Variants in AKAP8L observed in about 807,000 individuals in gnomAD.
The protein encoded by AKAP8L is A-kinase anchoring protein 8 like.
A neutral mutation model predicts 77.5 loss-of-function variants in AKAP8L; 34 were observed. The observed-to-expected ratio is 0.44, with a 90% CI of 0.33 to 0.58. AKAP8L has a LOEUF of 0.58. Ranked by LOEUF, AKAP8L falls within the 20% of genes least tolerant of loss-of-function variation. The pLI, the probability that AKAP8L is intolerant of heterozygous loss-of-function variation, is 0.02. For synonymous variants in AKAP8L, 342 were observed against 340.7 expected (o/e 1.00, Z -0.04); for missense variants, 806 against 887.6 (o/e 0.91, Z 1.17).
chr19:15,409,346 G>A (rs953704079), intron 2 of AKAP8L, among the ~76,000 whole-genome samples: 3 of 152,190 alleles, frequency 2.0e-5, no homozygotes, highest in Non-Finnish European at 2.9e-5. Flanking sequence ...GGGAGAGGCA[G>A]GGAGGGCAGC....
In AKAP8L at chr19:15,380,126, G is replaced by C. The variant is rs959743344; in HGVS notation, c.1937C>G (p.Pro646Arg). 6.7e-7 allele frequency: 1 copy of C among 1,492,938 alleles called. No homozygotes were observed. Among genetic ancestry groups the C allele is most frequent in the African/African-American group, 1.5e-5 (1 of 68,336 alleles). The allele number at this position is 1,492,938 out of a possible 1,614,324, so 92.5% of individuals were successfully genotyped here. Residue 646 changes from proline to arginine, a missense_variant, in exon 14 of 14, where the codon CCG becomes CGG. Physicochemically the swap from Pro to Arg is moderately radical, Grantham distance 103 (BLOSUM62 -2). Transcript: ENST00000397410. ...TCCGCCCGCCCCGAGCTCGGGTCAC[G>C]GGGCGCCCCCGCCGCCCTCCTCGTC... ...EDDEEGGGGA[P>R]
chr19:15,406,601 G>A (rs1262341650), intron 2 of AKAP8L, among the ~76,000 whole-genome samples: 2 of 151,908 alleles, frequency 1.3e-5, no homozygotes, highest in African/African-American at 4.8e-5. Flanking sequence ...GGAGTGGCTG[G>A]GACAACAGGC....
chr19:15,410,658 C>T lies in AKAP8L; in HGVS notation c.14-64G>A. The T allele has an allele frequency of 4.5e-6, 6 of 1,336,050 alleles. No individual in the cohort carries two copies. The South Asian group carries it at 7.6e-5, about 17-fold the overall frequency. The allele number at this position is 1,336,050 out of a possible 1,614,324, so 82.8% of individuals were successfully genotyped here. A position where few individuals can be genotyped will look rare whatever the true frequency, so the allele number is the denominator to read the frequency against. ...GTCACAGGGAAATGACCTGAGACTA[C>T]CTAACCTTTGGTATAGGATTGCCAG... On this transcript the variant is annotated intron_variant, in intron 1 of 13. Transcript: ENST00000397410.
chr19:15,380,445 G>A lies in AKAP8L; in HGVS notation c.1633-15C>T, dbSNP rs1164861003. ...GGGTTCTCGCCCTGTGGGGAGGGGC[G>A]CGGACACTGAAGGGAGGGAGCACAG... On this transcript the variant is annotated splice_polypyrimidine_tract_variant and intron_variant, in intron 13 of 13. Transcript: ENST00000397410. 3.1e-6 allele frequency: 5 copies of A among 1,609,518 alleles called. No homozygotes were observed. Among genetic ancestry groups the A allele is most frequent in the Admixed American group, 3.4e-5 (2 of 59,368 alleles).
At position 15,393,877 on chromosome 19, in the gene AKAP8L, T is replaced by C. The variant is rs554709693; in HGVS notation, c.1536+3273A>G. On this transcript the variant is annotated intron_variant, in intron 12 of 13. Transcript: ENST00000397410. ...GAGATCGCGCCATTGCACTCCAGCC[T>C]GGGCAAGAAGAGCGAATCTCTGTCT... 3.2e-3 allele frequency among the ~76,000 whole-genome samples: 433 copies of C among 137,074 alleles called. 2 individuals carry two copies. Among genetic ancestry groups the C allele is most frequent in the African/African-American group, 0.012 (416 of 35,834 alleles). 89.9% of individuals were successfully genotyped at this position (137,074 alleles called of 152,430 possible). A position where few individuals can be genotyped will look rare whatever the true frequency, so the allele number is the denominator to read the frequency against.
At position 15,380,297 on chromosome 19, in the gene AKAP8L, G is replaced by A; in HGVS notation, c.1766C>T (p.Pro589Leu). ...GGGGGCTGGCTCTGGGGGCACGGGA[G>A]GCTGCGCCGGCACGCCCTCTGCGCC... ...SEGAEGVPAQPPVPPEPAPGA... is the reference protein window; with the variant it reads ...SEGAEGVPAQLPVPPEPAPGA... Residue 589 changes from proline to leucine, a missense_variant, in exon 14 of 14, where the codon CCT becomes CTT. By Grantham distance (98) the Pro-to-Leu change is moderately conservative. This residue lies in a region of AKAP8L where 226 missense variants were observed against 193.5 expected (regional missense o/e 1.17). Coordinates refer to ENST00000397410, the MANE Select transcript of AKAP8L (RefSeq NM_014371.4). 2 of 1,529,478 alleles carry A rather than the reference G, an allele frequency of 1.3e-6. No individual in the cohort carries two copies. The highest frequency in any genetic ancestry group is 1.2e-5 in the South Asian group (1 of 83,494). 94.7% of individuals were successfully genotyped at this position (1,529,478 alleles called of 1,614,324 possible).
intron 12 of AKAP8L, 76 bp from the exon 13 acceptor site, chr19:15,380,688 A>G: frequency 2.1e-6 from 3 of 1,427,378 alleles, no homozygotes; most frequent in Non-Finnish European, 2.9e-6. Context: ...CTGCCAGCTT[A>G]GAGGGACCCC....
chr19:15,418,961 T>C lies in AKAP8L; in HGVS notation c.-38A>G, dbSNP rs1202777035. On this transcript the variant is annotated 5_prime_UTR_variant, in exon 1 of 14. Transcript: ENST00000397410. ...CACAACATCCGACGACGCCGGCTTC[T>C]GCTGCTCTGAACATCCGACGCTGCG... The C allele has an allele frequency of 1.9e-6, 3 of 1,604,054 alleles. No individual in the cohort carries two copies. The African/African-American group carries it at 4.0e-5, about 21-fold the overall frequency.
chr19:15,393,644 GGC>G (rs1401805636), intron 12 of AKAP8L, among the ~76,000 whole-genome samples: 1 of 152,116 alleles, frequency 6.6e-6, no homozygotes, highest in Admixed American at 6.6e-5. Context: ...GAAAATGCCG[GGC>G]GCGGTGGCTC....
In AKAP8L at chr19:15,400,857, G is replaced by A. The variant is rs772918936; in HGVS notation, c.921C>T (p.Gly307=). The change falls in exon 7 of 14, where the codon GGC becomes GGT. Residue 307 remains glycine (G), a synonymous_variant. Transcript: ENST00000397410. ...SDNSDSDNDE[G]TEGEATEGLE... ...GGCCCTCTGTGGCTTCCCCCTCGGTGCCCTCATCTGAAAGGGAAAAGGAGG... is the reference window on the plus strand; with the variant it reads ...GGCCCTCTGTGGCTTCCCCCTCGGTACCCTCATCTGAAAGGGAAAAGGAGG... The A allele has an allele frequency of 5.1e-5, 82 of 1,613,862 alleles. No homozygotes were observed. Among genetic ancestry groups the A allele is most frequent in the Non-Finnish European group, 6.4e-5 (75 of 1,179,886 alleles).
chr19:15,388,627 G>A (rs991359829), intron 12 of AKAP8L, among the ~76,000 whole-genome samples: 2 of 152,082 alleles, frequency 1.3e-5, no homozygotes, highest in African/African-American at 2.4e-5. Context: ...AAGAATTAGT[G>A]AACTTGGGCC....
intron 12 of AKAP8L, among the ~76,000 whole-genome samples, chr19:15,384,456 C>G (rs768674383): frequency 2.6e-5 from 4 of 151,706 alleles, no homozygotes; most frequent in Non-Finnish European, 5.9e-5. Context: ...CCCACCACCA[C>G]GCCCAGCTAA....
intron 1 of AKAP8L, among the ~76,000 whole-genome samples, chr19:15,413,201 T>A (rs560871960): frequency 8.5e-4 from 130 of 152,272 alleles, no homozygotes; most frequent in African/African-American, 3.1e-3. Flanking sequence ...TTCCCCCAGG[T>A]CCAAAAGGGT....
intron 12 of AKAP8L, among the ~76,000 whole-genome samples, chr19:15,385,149 T>G (rs1967504948): frequency 1.3e-5 from 2 of 152,036 alleles, no homozygotes; most frequent in South Asian, 4.1e-4. Flanking sequence ...GGCTAATTTT[T>G]TGTGTTTTTA....
chr19:15,401,623 G>T lies in AKAP8L; in HGVS notation c.363-20C>A, dbSNP rs758504913. ...TCATACCTGCAGAGGCATGGGGTGA[G>T]CATCAGGTGGAGCCCCTCAGGATCC... is the stretch of plus-strand genomic sequence containing the variant. On this transcript the variant is annotated intron_variant, in intron 4 of 13. Coordinates refer to ENST00000397410, the MANE Select transcript of AKAP8L (RefSeq NM_014371.4). The surrounding 1 kb of genome is among the most constrained non-coding windows in gnomAD (Gnocchi z 6.2). 1.1e-5 allele frequency: 17 copies of T among 1,528,400 alleles called. No individual in the cohort carries two copies. The highest frequency in any genetic ancestry group is 5.7e-5 in the Admixed American group (3 of 52,342). The allele number at this position is 1,528,400 out of a possible 1,614,324, so 94.7% of individuals were successfully genotyped here.
intron 12 of AKAP8L, among the ~76,000 whole-genome samples, chr19:15,386,582 A>G (rs1006380758): frequency 1.3e-5 from 2 of 152,194 alleles, no homozygotes; most frequent in African/African-American, 2.4e-5. Context: ...AGTACAGCCA[A>G]GAAGACAGGT....
chr19:15,390,801 CAATT>C (rs1261405081), intron 12 of AKAP8L, among the ~76,000 whole-genome samples: 13 of 152,244 alleles, frequency 8.5e-5, no homozygotes, highest in Admixed American at 6.5e-4. Flanking sequence ...TGTAACAACA[CAATT>C]AAAGACAAAA....
Position 15,398,396 on chromosome 19 carries a change from G to GTGC in AKAP8L, c.1158-542_1158-541insGCA. 5.5e-6 allele frequency: 1 copy of GTGC among 182,862 alleles called. No homozygotes were observed. Among genetic ancestry groups the GTGC allele is most frequent in the South Asian group, 1.7e-4 (1 of 5,948 alleles). 11.3% of individuals were successfully genotyped at this position (182,862 alleles called of 1,614,324 possible). ...TGTCGGGAGGGATGGGAGGCAGCAG[G>GTGC]CCTGGGCACCTGCTGCCTCATCTTC... On this transcript the variant is annotated intron_variant, in intron 9 of 13. Transcript: ENST00000397410. This position sits in a 1 kb window ranked among gnomAD's most constrained non-coding sequence, Gnocchi z 9.2.
At chr19:15,386,939 G>C (rs1010718075) in intron 12 of AKAP8L, among the ~76,000 whole-genome samples, 1 of 152,128 alleles carries the variant, frequency 6.6e-6, no homozygotes, top group South Asian at 2.1e-4. Flanking sequence ...GATTACAGGC[G>C]TGAGCCACTG....
Sources: allele counts gnomAD v4.1 joint callset (sites outside exome capture counted in the v4.1 genomes callset), GRCh38; gene constraint gnomAD v4.1.1; regional missense constraint gnomAD v4.1.1; non-coding constraint Gnocchi (gnomAD v3.1); transcripts MANE v1.5; gene names NCBI Gene and HGNC (gene_info 2026-07-23, HGNC 2026-07-21).